Variants in RAD51C observed in about 807,000 individuals in gnomAD.
RAD51C encodes the protein RAD51 paralog C.
In RAD51C, 42 loss-of-function variants were observed where a neutral mutation model predicts 45.0. The ratio of observed to expected loss-of-function variants is 0.93; its 90% CI spans 0.73 to 1.21. The LOEUF is 1.21. Among genes scored for constraint, RAD51C ranks in the 50% most tolerant of loss-of-function variants. The pLI, the probability that RAD51C is intolerant of heterozygous loss-of-function variation, is 0.00. For missense variants in RAD51C, 474 were observed against 452.2 expected (o/e 1.05, Z -0.44); for synonymous variants, 172 against 159.8 (o/e 1.08, Z -0.58).
rs771332058 is a variant in RAD51C at position 58,692,660 on chromosome 17, T to A, written c.17T>A (p.Phe6Tyr). 6.2e-7 allele frequency: 1 copy of A among 1,614,216 alleles called. No homozygotes were observed. Among genetic ancestry groups the A allele is most frequent in the Non-Finnish European group, 8.5e-7 (1 of 1,180,040 alleles). Residue 6 changes from phenylalanine to tyrosine, a missense_variant, in exon 1 of 9, where the codon TTC becomes TAC. By Grantham distance (22) the Phe-to-Tyr change is conservative. Coordinates refer to ENST00000337432, the MANE Select transcript of RAD51C (RefSeq NM_058216.3). ...GAGCCTGCGATGCGCGGGAAGACGTTCCGCTTTGAAATGCAGCGGGATTTG... is the reference window on the plus strand; with the variant it reads ...GAGCCTGCGATGCGCGGGAAGACGTACCGCTTTGAAATGCAGCGGGATTTG... MRGKT[F>Y]RFEMQRDLVS...
intron 3 of RAD51C, among the ~76,000 whole-genome samples, chr17:58,700,464 A>T (rs2048175079): frequency 6.6e-6 from 1 of 152,040 alleles, no homozygotes; most frequent in Admixed American, 6.6e-5. Flanking sequence ...ATTTTTTAAG[A>T]TGGGGTCTCA....
chr17:58,719,509 C>G (rs567231187), intron 5 of RAD51C, among the ~76,000 whole-genome samples: 8 of 151,940 alleles, frequency 5.3e-5, no homozygotes, highest in African/African-American at 1.9e-4. Flanking sequence ...ATAGCAAGAC[C>G]CTGTCTCTTA....
At chr17:58,715,030 C>T (rs1264432852) in intron 5 of RAD51C, among the ~76,000 whole-genome samples, 2 of 151,658 alleles carry the variant, frequency 1.3e-5, no homozygotes, top group African/African-American at 2.4e-5. Flanking sequence ...TTCAGTGTCA[C>T]GTTTCAAATC....
intron 4 of RAD51C, among the ~76,000 whole-genome samples, chr17:58,708,712 TTC>T (rs2048454510): frequency 6.6e-6 from 1 of 152,024 alleles, no homozygotes; most frequent in South Asian, 2.1e-4. Context: ...GGGGGGGGCT[TTC>T]TTTTGAAAGG....
rs1598473225 is a variant in RAD51C, at chr17:58,703,234, A to G, written c.610A>G (p.Ile204Val). The G allele has an allele frequency of 6.2e-7, 1 of 1,608,430 alleles. No homozygotes were observed. Among genetic ancestry groups the G allele is most frequent in the Non-Finnish European group, 8.5e-7 (1 of 1,174,952 alleles). The change falls in exon 4 of 9, where the codon ATT (isoleucine) becomes GTT (valine). Residue 204 changes from isoleucine (I) to valine (V), a missense_variant. Ile to Val is a conservative substitution (Grantham distance 29). Transcript: ENST00000337432. ...KALEDFTLDN[I>V]LSHIYYFRCR... ...TTTGGAGGATTTCACTCTTGATAATATTCTTTCTCATATTTATTATTTTCG... is the reference window on the plus strand; with the variant it reads ...TTTGGAGGATTTCACTCTTGATAATGTTCTTTCTCATATTTATTATTTTCG...
chr17:58,727,231 T>A (rs1436097468), intron 7 of RAD51C, among the ~76,000 whole-genome samples: 1 of 151,726 alleles, frequency 6.6e-6, no homozygotes, highest in East Asian at 1.9e-4. Context: ...GTCAAGTGAT[T>A]CTCTTGTCTC....
intron 7 of RAD51C, among the ~76,000 whole-genome samples, chr17:58,726,714 C>T (rs1412442060): frequency 6.6e-6 from 1 of 151,820 alleles, no homozygotes; most frequent in Non-Finnish European, 1.5e-5. Context: ...ATGTTATTTT[C>T]CACGTAAATC....
intron 3 of RAD51C, among the ~76,000 whole-genome samples, chr17:58,702,654 C>G (rs1016022226): frequency 6.7e-6 from 1 of 149,976 alleles, no homozygotes; most frequent in Non-Finnish European, 1.5e-5. Context: ...GATCGCATCA[C>G]TGCACTCCAG....
intron 5 of RAD51C, among the ~76,000 whole-genome samples, chr17:58,714,502 A>G (rs1045236890): frequency 6.6e-6 from 1 of 152,108 alleles, no homozygotes; most frequent in African/African-American, 2.4e-5. Flanking sequence ...TCTGTCGCCC[A>G]GGTTGGAGTG....
intron 1 of RAD51C, 152 bp downstream of exon 1, chr17:58,692,940 A>C: frequency 8.9e-7 from 1 of 1,129,090 alleles, no homozygotes; most frequent in Admixed American, 2.3e-5. Flanking sequence ...CCTCGACTCC[A>C]CTTACAAGTT....
intron 5 of RAD51C, 77 bp downstream of exon 5, chr17:58,710,067 A>G: frequency 6.7e-7 from 1 of 1,486,972 alleles, no homozygotes; most frequent in Non-Finnish European, 9.3e-7. Flanking sequence ...AAATGTCAAA[A>G]TAGCGTTTGC....
intron 4 of RAD51C, among the ~76,000 whole-genome samples, chr17:58,705,229 G>C (rs1181854452): frequency 2.0e-5 from 3 of 151,924 alleles, no homozygotes; most frequent in Non-Finnish European, 4.4e-5. Context: ...AGCTGATTCA[G>C]TTTCTGGCAA....
At chr17:58,720,892 A>T in intron 6 of RAD51C, 80 bp downstream of exon 6, 1 of 1,183,558 alleles carries the variant, frequency 8.4e-7, no homozygotes, top group Non-Finnish European at 1.2e-6. Flanking sequence ...TGAGTACTAT[A>T]CGCTTCATGA....
chr17:58,709,536 T>C (rs1414971174), intron 4 of RAD51C: 2 of 202,752 alleles, frequency 9.9e-6, no homozygotes, highest in African/African-American at 2.4e-5. Context: ...TAAGGTTTTT[T>C]CCTGTAATGG....
chr17:58,695,222 T>C, intron 2 of RAD51C, 33 bp downstream of exon 2: 1 of 1,588,730 alleles, frequency 6.3e-7, no homozygotes, highest in Non-Finnish European at 8.6e-7. Flanking sequence ...TAAGGGTGGG[T>C]TTAATAACAT....
intron 5 of RAD51C, among the ~76,000 whole-genome samples, chr17:58,712,286 A>AG (rs571164504): frequency 4.1e-5 from 6 of 146,520 alleles, no homozygotes; most frequent in Admixed American, 7.1e-5. Context: ...CGGAGGTTGC[A>AG]GTGAGCCAAG....
chr17:58,714,110 G>A (rs1225039891), intron 5 of RAD51C, among the ~76,000 whole-genome samples: 10 of 151,666 alleles, frequency 6.6e-5, no homozygotes, highest in Non-Finnish European at 1.5e-4. Flanking sequence ...ACAGTCTCCC[G>A]AATAGCTGGG....
rs1598459644 is a variant in RAD51C, at chr17:58,696,553, T to C, written c.405-140T>C. On this transcript the variant is annotated intron_variant, in intron 2 of 8. Transcript: ENST00000337432. Reference sequence around the variant, plus strand: ...ACATTATATCTGGAGTCATGAAGAGTTAGACATTTCTGTTGCCTTGGGGAG... The same window carrying C: ...ACATTATATCTGGAGTCATGAAGAGCTAGACATTTCTGTTGCCTTGGGGAG... 4 of 953,748 alleles carry C rather than the reference T, an allele frequency of 4.2e-6. No individual in the cohort carries two copies. The Admixed American group carries it at 7.7e-5, about 18-fold the overall frequency. 59.1% of individuals were successfully genotyped at this position (953,748 alleles called of 1,614,324 possible). A position where few individuals can be genotyped will look rare whatever the true frequency, so the allele number is the denominator to read the frequency against.
chr17:58,724,618 C>A (rs1286562964), intron 7 of RAD51C, among the ~76,000 whole-genome samples: 1 of 151,624 alleles, frequency 6.6e-6, no homozygotes, highest in African/African-American at 2.4e-5. Flanking sequence ...CAGTTACTTA[C>A]CTGCATTTCA....
Sources: allele counts gnomAD v4.1 joint callset (sites outside exome capture counted in the v4.1 genomes callset), GRCh38; gene constraint gnomAD v4.1.1; transcripts MANE v1.5; gene names NCBI Gene and HGNC (gene_info 2026-07-23, HGNC 2026-07-21).